GNAI1: variants seen among roughly 807,000 people sequenced by gnomAD.
The protein encoded by GNAI1 is G protein subunit alpha i1.
In GNAI1, 11 loss-of-function variants were observed where a neutral mutation model predicts 38.9. That is an observed-to-expected ratio of 0.28 (90% CI 0.18 to 0.47). The LOEUF (loss-of-function observed/expected upper bound fraction) is 0.47, where lower values mean the gene tolerates loss of function less well. Among genes scored for constraint, GNAI1 ranks in the 20% least tolerant of loss-of-function variants. GNAI1 has a pLI of 0.99. For missense variants in GNAI1, 317 were observed against 436.9 expected (o/e 0.73, Z 2.45); for synonymous variants, 166 against 145.1 (o/e 1.14, Z -1.04).
At chr7:80,171,709 C>G (rs1339985346) in intron 1 of GNAI1, among the ~76,000 whole-genome samples, 2 of 152,164 alleles carry the variant, frequency 1.3e-5, no homozygotes, top group African/African-American at 4.8e-5. Context: ...AAATTTGCTT[C>G]TGTATAACTT....
At chr7:80,196,616 C>CT (rs1788579187) in intron 3 of GNAI1, among the ~76,000 whole-genome samples, 1 of 151,912 alleles carries the variant, frequency 6.6e-6, no homozygotes, top group Non-Finnish European at 1.5e-5. Context: ...AGCCATGGAA[C>CT]TTTAAGTAAG....
intron 5 of GNAI1, among the ~76,000 whole-genome samples, chr7:80,206,614 G>A (rs1218668771): frequency 6.6e-6 from 1 of 151,854 alleles, no homozygotes; most frequent in African/African-American, 2.4e-5. Flanking sequence ...CTTAGATTCT[G>A]ATTTTGGTTT....
intron 1 of GNAI1, among the ~76,000 whole-genome samples, chr7:80,151,221 A>G (rs963183171): frequency 1.3e-5 from 2 of 152,170 alleles, no homozygotes; most frequent in South Asian, 2.1e-4. Context: ...AGGCATGTTC[A>G]TGAGCAGAGT....
intron 1 of GNAI1, among the ~76,000 whole-genome samples, chr7:80,140,586 A>G (rs187374699): frequency 5.3e-5 from 8 of 152,308 alleles, no homozygotes; most frequent in African/African-American, 1.9e-4. Flanking sequence ...ATGACTCCCC[A>G]GAGTATGACA....
chr7:80,180,715 G>GAA (rs1788279326), intron 1 of GNAI1, among the ~76,000 whole-genome samples: 2 of 152,146 alleles, frequency 1.3e-5, no homozygotes, highest in Non-Finnish European at 2.9e-5. Context: ...GGATTTGTCT[G>GAA]CAGTTACGAC....
intron 5 of GNAI1, among the ~76,000 whole-genome samples, chr7:80,204,345 T>C (rs1788737190): frequency 6.6e-6 from 1 of 152,116 alleles, no homozygotes; most frequent in South Asian, 2.1e-4. Context: ...TAAAGTGTAC[T>C]GAATATCCAC....
At chr7:80,140,726 G>A (rs562770291) in intron 1 of GNAI1, among the ~76,000 whole-genome samples, 1 of 152,188 alleles carries the variant, frequency 6.6e-6, no homozygotes, top group African/African-American at 2.4e-5. Context: ...ACGGAAATAG[G>A]GCAAAAAATT....
At chr7:80,159,248 A>G (rs1412305460) in intron 1 of GNAI1, among the ~76,000 whole-genome samples, 2 of 152,076 alleles carry the variant, frequency 1.3e-5, no homozygotes, top group African/African-American at 4.8e-5. Context: ...CTTGTGCCCT[A>G]TTTCAGTCCA....
chr7:80,200,295 C>T (rs1190579666), intron 4 of GNAI1, among the ~76,000 whole-genome samples: 1 of 120,266 alleles, frequency 8.3e-6, no homozygotes, highest in Non-Finnish European at 1.6e-5. Flanking sequence ...CACTGCACTC[C>T]AGCCTGGAGA....
At chr7:80,217,244 T>TTTCATATGG in intron 7 of GNAI1, 59 bp from the exon 8 acceptor site, 1 of 1,093,800 alleles carries the variant, frequency 9.1e-7, no homozygotes, top group Non-Finnish European at 1.3e-6. Flanking sequence ...CTGAATTCAG[T>TTTCATATGG]ATTTTAAGCA....
At position 80,220,598 on chromosome 7, in the gene GNAI1, T is replaced by A. The variant is rs1183894547; in HGVS notation, c.*3105T>A. Among the ~76,000 whole-genome samples the A allele has an allele frequency of 6.6e-6, 1 of 152,200 alleles. No individual in the cohort carries two copies. Among genetic ancestry groups the A allele is most frequent in the Admixed American group, 6.5e-5 (1 of 15,286 alleles). ...GGCGCTTGTGGTTTCTAAAATTCTCTTCATTTCAGTAACCTTCTAAAAGTC... is the reference window on the plus strand; with the variant it reads ...GGCGCTTGTGGTTTCTAAAATTCTCATCATTTCAGTAACCTTCTAAAAGTC... On this transcript the variant is annotated 3_prime_UTR_variant, in exon 8 of 8. Coordinates refer to ENST00000649796, the MANE Select transcript of GNAI1 (RefSeq NM_002069.6).
intron 1 of GNAI1, among the ~76,000 whole-genome samples, chr7:80,162,212 G>A (rs1396216554): frequency 6.6e-6 from 1 of 152,162 alleles, no homozygotes; most frequent in East Asian, 1.9e-4. Context: ...ACCTGACCAT[G>A]TTGGCAATTT....
At chr7:80,148,999 T>C (rs1787678787) in intron 1 of GNAI1, among the ~76,000 whole-genome samples, 1 of 152,024 alleles carries the variant, frequency 6.6e-6, no homozygotes, top group Non-Finnish European at 1.5e-5. Context: ...AATATAGGAA[T>C]TGCTTTCTTT....
chr7:80,217,603 A>G lies in GNAI1; in HGVS notation c.*110A>G, dbSNP rs1057006790. The G allele has an allele frequency of 8.9e-6, 5 of 563,788 alleles. No individual in the cohort carries two copies. Among genetic ancestry groups the G allele is most frequent in the Non-Finnish European group, 1.5e-5 (5 of 335,560 alleles). The allele number at this position is 563,788 out of a possible 1,614,324, so 34.9% of individuals were successfully genotyped here. On this transcript the variant is annotated 3_prime_UTR_variant, in exon 8 of 8. Coordinates refer to ENST00000649796, the MANE Select transcript of GNAI1 (RefSeq NM_002069.6). ...ACAGAATGTAATATAAGGCAAATGCATCTGGGACTTGACCAAAGTTGTTCT... is the reference window on the plus strand; with the variant it reads ...ACAGAATGTAATATAAGGCAAATGCGTCTGGGACTTGACCAAAGTTGTTCT...
intron 1 of GNAI1, among the ~76,000 whole-genome samples, chr7:80,157,820 C>G (rs1376580286): frequency 6.6e-6 from 1 of 152,144 alleles, no homozygotes; most frequent in Non-Finnish European, 1.5e-5. Flanking sequence ...AATTCTCCTG[C>G]CTCAGGCTCC....
At chr7:80,153,987 A>G (rs953939138) in intron 1 of GNAI1, among the ~76,000 whole-genome samples, 80 of 151,618 alleles carry the variant, frequency 5.3e-4, no homozygotes, top group African/African-American at 1.8e-3. Context: ...CAGAGACATG[A>G]TCTCGGCTCA....
chr7:80,164,774 TC>T (rs747411645), intron 1 of GNAI1, among the ~76,000 whole-genome samples: 1 of 152,224 alleles, frequency 6.6e-6, no homozygotes, highest in Non-Finnish European at 1.5e-5. Context: ...CTCCATGATT[TC>T]TCAAATTTCC....
In GNAI1 at chr7:80,222,857, C is replaced by CT. The variant is rs2115744807; in HGVS notation, c.*5365dup. Reference sequence around the variant, plus strand: ...CGTGGGTTAAGTCCTGAAAAGCCCACTGTAAGTTGATAATACCTTATTTTG... The same window carrying CT: ...CGTGGGTTAAGTCCTGAAAAGCCCACTTGTAAGTTGATAATACCTTATTTTG... On this transcript the variant is annotated 3_prime_UTR_variant, in exon 8 of 8. Transcript: ENST00000649796. Among the ~76,000 whole-genome samples, 1 of 152,246 alleles carries CT rather than the reference C, an allele frequency of 6.6e-6. No individual in the cohort carries two copies. The highest frequency in any genetic ancestry group is 2.1e-4 in the South Asian group (1 of 4,822).
chr7:80,170,636 A>G (rs1584024735), intron 1 of GNAI1, among the ~76,000 whole-genome samples: 2 of 152,334 alleles, frequency 1.3e-5, no homozygotes, highest in East Asian at 1.9e-4. Context: ...TATGTCTTGC[A>G]TGACTGGAGT....
Sources: gnomAD v4.1 joint callset for allele counts (sites outside exome capture counted in the v4.1 genomes callset) on GRCh38, gnomAD v4.1.1 for gene constraint, MANE v1.5 for transcripts, NCBI Gene and HGNC (gene_info 2026-07-23, HGNC 2026-07-21) for gene names.